HTR2C: variants seen among roughly 807,000 people sequenced by gnomAD.
HTR2C encodes 5-hydroxytryptamine (serotonin) receptor 2C, G protein-coupled.
A neutral mutation model predicts 21.0 loss-of-function variants in HTR2C; 5 were observed. The observed-to-expected ratio is 0.24, with a 90% confidence interval of 0.12 to 0.50. HTR2C has a LOEUF of 0.50. Among genes scored for constraint, HTR2C ranks in the 20% least tolerant of loss-of-function variants. The probability of loss-of-function intolerance (pLI) is 0.98; values close to 1 mark genes in which losing one functional copy is unlikely to be tolerated. For synonymous variants in HTR2C, 150 were observed against 145.3 expected (o/e 1.03, Z -0.23); for missense variants, 271 against 371.2 (o/e 0.73, Z 2.22).
intron 2 of HTR2C, among the ~76,000 whole-genome samples, chrX:114,660,716 G>A (rs1930953004): frequency 8.9e-6 from 1 of 111,975 alleles, no homozygotes; most frequent in Non-Finnish European, 1.9e-5. Flanking sequence ...GAAGTACAAT[G>A]CCCTTTTTAG....
chrX:114,858,939 A>G (rs1204780098), intron 5 of HTR2C, among the ~76,000 whole-genome samples: 1 of 110,023 alleles, frequency 9.1e-6, no homozygotes, highest in Non-Finnish European at 1.9e-5. Flanking sequence ...TATAGGATTT[A>G]TTTCTTCCTT....
At chrX:114,613,030 G>A (rs920815036) in intron 1 of HTR2C, among the ~76,000 whole-genome samples, 1 of 109,541 alleles carries the variant, frequency 9.1e-6, no homozygotes, top group Non-Finnish European at 1.9e-5. Context: ...TCCGCCTCCC[G>A]GGTTCAAGCA....
intron 4 of HTR2C, among the ~76,000 whole-genome samples, chrX:114,805,509 G>GAT (rs782785289): frequency 4.7e-4 from 41 of 87,607 alleles, no homozygotes; most frequent in African/African-American, 1.6e-3. Flanking sequence ...TAGGTTTGTA[G>GAT]ATATATATAT....
At chrX:114,706,583 A>G (rs1556418166) in intron 2 of HTR2C, among the ~76,000 whole-genome samples, 1 of 79,813 alleles carries the variant, frequency 1.3e-5, no homozygotes, top group Admixed American at 1.5e-4. Flanking sequence ...GGGGGGAGGG[A>G]TAGCATTAGT....
chrX:114,884,416 G>A (rs782418034), intron 5 of HTR2C, among the ~76,000 whole-genome samples: 3 of 111,063 alleles, frequency 2.7e-5, no homozygotes, highest in East Asian at 2.8e-4. Flanking sequence ...CTGATAATAC[G>A]TTAATATTCA....
At chrX:114,766,290 GA>G (rs1556435007) in intron 4 of HTR2C, among the ~76,000 whole-genome samples, 1 of 111,659 alleles carries the variant, frequency 9.0e-6, no homozygotes, top group African/African-American at 3.2e-5. Flanking sequence ...ATGAAAATAA[GA>G]ACTTCTATTT....
At chrX:114,690,745 C>T (rs1281470582) in intron 2 of HTR2C, among the ~76,000 whole-genome samples, 3 of 111,182 alleles carry the variant, frequency 2.7e-5, no homozygotes, top group African/African-American at 9.8e-5. Flanking sequence ...AAATAGAACT[C>T]AATACGGATT....
intron 4 of HTR2C, among the ~76,000 whole-genome samples, chrX:114,812,080 T>C (rs1371300026): frequency 9.0e-6 from 1 of 110,499 alleles, no homozygotes; most frequent in Non-Finnish European, 1.9e-5. Flanking sequence ...CTATTTTTCC[T>C]AAAGCTCTCT....
rs150184157 is a variant in HTR2C at position 114,689,431 on chromosome X, G to A, written c.-79-37427G>A. 2.3e-3 allele frequency among the ~76,000 whole-genome samples: 250 copies of A among 109,375 alleles called. 2 individuals are homozygous for A. Among genetic ancestry groups the A allele is most frequent in the Non-Finnish European group, 4.0e-3 (210 of 52,604 alleles). 95.0% of individuals were successfully genotyped at this position (109,375 alleles called of 115,157 possible). On this transcript the variant is annotated intron_variant, in intron 2 of 5. Coordinates refer to ENST00000276198, the MANE Select transcript of HTR2C (RefSeq NM_000868.4). ...ACTTTCAGTTCTTTAAGGAATCTCC[G>A]TACTGTTTTCCATAGTGGTCGTACT...
intron 1 of HTR2C, among the ~76,000 whole-genome samples, chrX:114,599,535 G>A (rs1291584810): frequency 8.9e-6 from 1 of 111,784 alleles, no homozygotes; most frequent in African/African-American, 3.2e-5. Context: ...TGACCTTCAT[G>A]TGGTTTTTAA....
chrX:114,673,017 C>T (rs1931436831), intron 2 of HTR2C, among the ~76,000 whole-genome samples: 1 of 111,753 alleles, frequency 8.9e-6, no homozygotes, highest in Non-Finnish European at 1.9e-5. Flanking sequence ...TGTAGCTGGA[C>T]CTTAACATTC....
chrX:114,664,214 C>T (rs1556410600), intron 2 of HTR2C, among the ~76,000 whole-genome samples: 1 of 111,554 alleles, frequency 9.0e-6, no homozygotes, highest in East Asian at 2.8e-4. Context: ...TTGTTTTTTT[C>T]TTCAACTTTT....
In HTR2C at chrX:114,632,606, G is replaced by A. The variant is rs183592748; in HGVS notation, c.-80+18725G>A. On this transcript the variant is annotated intron_variant, in intron 2 of 5. Coordinates refer to ENST00000276198, the MANE Select transcript of HTR2C (RefSeq NM_000868.4). The stretch of plus-strand genomic sequence containing the variant: ...AATGAGTTCTTTATGCCATAGTTTG[G>A]TATATATTTTAAACATTATAATTCT... Among the ~76,000 whole-genome samples, 29 of 111,354 alleles carry A rather than the reference G, an allele frequency of 2.6e-4. No homozygotes were observed. The East Asian group carries it at 7.6e-3, about 29-fold the overall frequency.
At chrX:114,762,004 A>ATGTG (rs2069882182) in intron 4 of HTR2C, among the ~76,000 whole-genome samples, 108 of 6,294 alleles carry the variant, frequency 0.017, 39 homozygotes, top group East Asian at 0.095. Flanking sequence ...ATATACACAT[A>ATGTG]TATATAGTAT....
intron 2 of HTR2C, among the ~76,000 whole-genome samples, chrX:114,680,428 A>T (rs1218071181): frequency 8.9e-6 from 1 of 112,179 alleles, no homozygotes; most frequent in African/African-American, 3.2e-5. Flanking sequence ...GACTTAAGAA[A>T]ATGAAGACCC....
intron 5 of HTR2C, among the ~76,000 whole-genome samples, chrX:114,883,649 T>C (rs1399985564): frequency 1.8e-5 from 2 of 110,106 alleles, no homozygotes; most frequent in African/African-American, 6.6e-5. Context: ...TTCTCTTGTT[T>C]TTCTTTTTTA....
intron 4 of HTR2C, chrX:114,774,883 C>T: frequency 5.6e-6 from 3 of 536,791 alleles, no homozygotes; most frequent in Non-Finnish European, 3.4e-6. Flanking sequence ...GGGAGGAGCT[C>T]CACCACCAGG....
At chrX:114,904,496 A>G (rs1172579054) in intron 5 of HTR2C, among the ~76,000 whole-genome samples, 1 of 111,844 alleles carries the variant, frequency 8.9e-6, no homozygotes, top group Non-Finnish European at 1.9e-5. Context: ...CCTAAAAATT[A>G]ATGAACAATA....
At chrX:114,754,195 G>C (rs1390759573) in intron 4 of HTR2C, among the ~76,000 whole-genome samples, 2 of 73,057 alleles carry the variant, frequency 2.7e-5, no homozygotes, top group African/African-American at 3.4e-5. Flanking sequence ...TTCAACATAT[G>C]AATTTTAGGG....
Sources: allele counts gnomAD v4.1 joint callset (sites outside exome capture counted in the v4.1 genomes callset), GRCh38; gene constraint gnomAD v4.1.1; transcripts MANE v1.5; gene names NCBI Gene and HGNC (gene_info 2026-07-23, HGNC 2026-07-21).